The following NAT10 variants were observed in gnomAD, a reference collection of about 807,000 sequenced individuals.
NAT10 encodes RNA cytidine acetyltransferase.
A neutral mutation model predicts 132.2 loss-of-function variants in NAT10; 109 were observed. That is an observed-to-expected ratio of 0.82 (90% CI 0.71 to 0.97). The LOEUF is 0.97. Ranked by LOEUF, NAT10 falls within the 50% of genes least tolerant of loss-of-function variation. The probability of loss-of-function intolerance (pLI) is 0.00; values close to 1 mark genes in which losing one functional copy is unlikely to be tolerated. For missense variants in NAT10, 1,184 were observed against 1,263.4 expected (o/e 0.94, Z 0.95); for synonymous variants, 479 against 478.0 (o/e 1.00, Z -0.03).
At position 34,141,193 on chromosome 11, in the gene NAT10, C is replaced by T; in HGVS notation, c.2697C>T (p.Ile899=). 6.2e-7 allele frequency: 1 copy of T among 1,614,082 alleles called. No homozygotes were observed. ...GQLMGLFNRI[I]RKVVKLFNEV... Reference sequence around the variant, plus strand: ...TGATGGGACTTTTCAACCGGATCATCCGCAAAGTTGTGAAGGTAACCTCAG... The same window carrying T: ...TGATGGGACTTTTCAACCGGATCATTCGCAAAGTTGTGAAGGTAACCTCAG... Residue 899 remains isoleucine (I), a synonymous_variant, in exon 25 of 29, where the codon ATC becomes ATT. Transcript: ENST00000257829.
intron 12 of NAT10, 57 bp from the exon 13 acceptor site, chr11:34,130,756 C>T (rs1852088936): frequency 3.8e-6 from 6 of 1,593,410 alleles, no homozygotes; most frequent in South Asian, 3.4e-5. Flanking sequence ...CTCTCTGTCC[C>T]CTCCTAGACA....
At position 34,113,709 on chromosome 11, in the gene NAT10, C is replaced by T. The variant is rs75440493; in HGVS notation, c.373-7C>T. On this transcript the variant is annotated splice_polypyrimidine_tract_variant and splice_region_variant and intron_variant, in intron 4 of 28. Coordinates refer to ENST00000257829, the MANE Select transcript of NAT10 (RefSeq NM_024662.3). The stretch of plus-strand genomic sequence containing the variant: ...GACCAGCCCTTTCTAACGCCCCCTT[C>T]TTCCAGGATTTTGAAGCCTTAACTC... 4,544 of 1,601,780 alleles carry T rather than the reference C, an allele frequency of 2.8e-3. 94 individuals carry two copies. In the African/African-American group the frequency reaches 0.054, roughly 19 times the overall value.
chr11:34,118,148 C>T, intron 6 of NAT10, 32 bp from the exon 7 acceptor site: 1 of 1,549,120 alleles, frequency 6.5e-7, no homozygotes, highest in Non-Finnish European at 8.9e-7. Context: ...ATGCCCTCCC[C>T]AACACTTCAT....
chr11:34,131,477 G>T lies in NAT10; in HGVS notation c.1466G>T (p.Cys489Phe), dbSNP rs768900502. 6 of 1,614,060 alleles carry T rather than the reference G, an allele frequency of 3.7e-6. No homozygotes were observed. In the South Asian group the frequency reaches 6.6e-5, roughly 18 times the overall value. Residue 489 changes from cysteine (C) to phenylalanine (F), a missense_variant, in exon 14 of 29, where the codon TGC (cysteine) becomes TTC (phenylalanine). Physicochemically the swap from Cys to Phe is radical, Grantham distance 205. Coordinates refer to ENST00000257829, the MANE Select transcript of NAT10 (RefSeq NM_024662.3). ...KWLNDLLCLD[C>F]LNITRIVSGC... The stretch of plus-strand genomic sequence containing the variant: ...CTGAATGACTTGCTGTGCCTGGATT[G>T]CCTCAACATCACTCGGATAGTCTCA...
intron 9 of NAT10, among the ~76,000 whole-genome samples, 191 bp downstream of exon 9, chr11:34,122,783 G>A (rs1396967850): frequency 1.3e-5 from 2 of 152,202 alleles, no homozygotes; most frequent in Admixed American, 6.5e-5. Flanking sequence ...CCCTAAAGGT[G>A]CATGTTTACT....
rs1180880607 is a variant in NAT10, at chr11:34,115,989, A to G, written c.557+105A>G. 5.1e-6 allele frequency: 5 copies of G among 989,390 alleles called. No homozygotes were observed. The Admixed American group carries it at 1.2e-4, about 23-fold the overall frequency. The allele number at this position is 989,390 out of a possible 1,614,324, so 61.3% of individuals were successfully genotyped here. A position where few individuals can be genotyped will look rare whatever the true frequency, so the allele number is the denominator to read the frequency against. On this transcript the variant is annotated intron_variant, in intron 6 of 28. Transcript: ENST00000257829. ...GCTTTTATATTGGGGAAAGTAGTAC[A>G]ATATTCCAAAAATGATGAGATTCTT...
chr11:34,113,211 AAATGTC>A (rs1357476204), intron 4 of NAT10, among the ~76,000 whole-genome samples: 2 of 152,238 alleles, frequency 1.3e-5, no homozygotes, highest in African/African-American at 2.4e-5. Context: ...TTTGAGCTAT[AAATGTC>A]AGAAAATGTA....
intron 18 of NAT10, among the ~76,000 whole-genome samples, chr11:34,134,871 A>G (rs1852180484): frequency 6.6e-6 from 1 of 152,230 alleles, no homozygotes; most frequent in African/African-American, 2.4e-5. Context: ...CTTCCTTTTC[A>G]GGCAATGGTA....
At chr11:34,114,192 G>T (rs1185318776) in intron 5 of NAT10, among the ~76,000 whole-genome samples, 3 of 152,188 alleles carry the variant, frequency 2.0e-5, no homozygotes. Context: ...AGGACCATGT[G>T]CAGACTGCTC....
At chr11:34,135,043 C>A in intron 18 of NAT10, 132 bp from the exon 19 acceptor site, 3 of 711,016 alleles carry the variant, frequency 4.2e-6, no homozygotes, top group South Asian at 3.4e-5. Flanking sequence ...TCAGGGTTTT[C>A]ATTGGTTCTC....
intron 8 of NAT10, among the ~76,000 whole-genome samples, chr11:34,119,949 A>C (rs999440835): frequency 1.3e-5 from 2 of 152,212 alleles, no homozygotes; most frequent in African/African-American, 2.4e-5. Flanking sequence ...GGAACTATCC[A>C]GTGTGTGGAA....
rs1851659221 is a variant in NAT10, at chr11:34,109,668, A to G, written c.200+835A>G. Among the ~76,000 whole-genome samples the G allele has an allele frequency of 2.0e-5, 3 of 152,228 alleles. No homozygotes were observed. The South Asian group carries it at 6.2e-4, about 31-fold the overall frequency. ...TAGATAACATACTTTCAACACAAAT[A>G]CAATTTGGCACAAAGGGATTTCATT... On this transcript the variant is annotated intron_variant, in intron 3 of 28. Coordinates refer to ENST00000257829, the MANE Select transcript of NAT10 (RefSeq NM_024662.3).
chr11:34,120,418 C>G (rs1268593771), intron 8 of NAT10, among the ~76,000 whole-genome samples: 1 of 152,204 alleles, frequency 6.6e-6, no homozygotes, highest in African/African-American at 2.4e-5. Context: ...CTTCCTGAAG[C>G]CTCTCCCCTT....
rs552760954 is a variant in NAT10 at position 34,124,854 on chromosome 11, TC to T, written c.1107+457del. ...CTATTTTCTTTTTTAAACAGTGTTT[TC>T]CCAAAAGTTCTAAAAATCTCTAGCA... On this transcript the variant is annotated intron_variant, in intron 11 of 28. Transcript: ENST00000257829. Among the ~76,000 whole-genome samples, 588 of 152,354 alleles carry T rather than the reference TC, an allele frequency of 3.9e-3. 2 individuals carry two copies. The highest frequency in any genetic ancestry group is 0.013 in the African/African-American group (552 of 41,574).
In NAT10 at chr11:34,146,606, G is replaced by A. The variant is rs8187; in HGVS notation, c.*414G>A. ...CCCAGGAGGCTGCTGCTGGGCCGCT[G>A]GGTCTCTCTTTGTGGACTTGTACCT... On this transcript the variant is annotated 3_prime_UTR_variant, in exon 29 of 29. Coordinates refer to ENST00000257829, the MANE Select transcript of NAT10 (RefSeq NM_024662.3). The A allele has an allele frequency of 0.16, 25,040 of 156,908 alleles. 2,620 individuals are homozygous for A. Among genetic ancestry groups the A allele is most frequent in the East Asian group, 0.39 (2,050 of 5,274 alleles). 9.7% of individuals were successfully genotyped at this position (156,908 alleles called of 1,614,324 possible). A position where few individuals can be genotyped will look rare whatever the true frequency, so the allele number is the denominator to read the frequency against.
At position 34,140,571 on chromosome 11, in the gene NAT10, C is replaced by A; in HGVS notation, c.2591C>A (p.Ser864Ter). Residue 864 changes from serine to a stop codon, truncating the protein, a stop_gained and splice_region_variant, in exon 24 of 29, where the codon TCG (serine) becomes TAG (stop). Transcript: ENST00000257829. LOFTEE classifies it high-confidence loss of function. Reference protein sequence around the residue: ...LGDLALSAAQSALLLGIGLQH... With the variant: ...LGDLALSAAQ Reference sequence around the variant, plus strand: ...GACCTGGCCCTGTCTGCGGCTCAGTCGGTATGCTATCTGTTGCTTGCGTGG... The same window carrying A: ...GACCTGGCCCTGTCTGCGGCTCAGTAGGTATGCTATCTGTTGCTTGCGTGG... 6.2e-7 allele frequency: 1 copy of A among 1,613,506 alleles called. No homozygotes were observed. Among genetic ancestry groups the A allele is most frequent in the Non-Finnish European group, 8.5e-7 (1 of 1,179,598 alleles).
At chr11:34,111,522 G>T (rs1264198238) in intron 3 of NAT10, among the ~76,000 whole-genome samples, 2 of 152,190 alleles carry the variant, frequency 1.3e-5, no homozygotes, top group East Asian at 3.8e-4. Context: ...GAGATGTCCA[G>T]ATTCCATTCT....
intron 27 of NAT10, 31 bp from the exon 28 acceptor site, chr11:34,143,414 C>A: frequency 6.3e-7 from 1 of 1,581,816 alleles, no homozygotes; most frequent in Non-Finnish European, 8.7e-7. Flanking sequence ...TTCTTTCTAG[C>A]AGGCTTTGAT....
At chr11:34,112,482 T>A (rs979554860) in intron 4 of NAT10, among the ~76,000 whole-genome samples, 1 of 152,274 alleles carries the variant, frequency 6.6e-6, no homozygotes, top group Non-Finnish European at 1.5e-5. Context: ...GGGTTCTAAC[T>A]AGCTAAAGCT....
Sources: allele counts gnomAD v4.1 joint callset (sites outside exome capture counted in the v4.1 genomes callset), GRCh38; gene constraint gnomAD v4.1.1; transcripts MANE v1.5; gene names NCBI Gene and HGNC (gene_info 2026-07-23, HGNC 2026-07-21).